The following DLGAP2 variants were observed in gnomAD, a reference collection of about 807,000 sequenced individuals.
DLGAP2 encodes the protein disks large-associated protein 2.
DLGAP2 carries 26 observed loss-of-function variants against 100.3 expected under a neutral mutation model. The ratio of observed to expected loss-of-function variants is 0.26; its 90% CI spans 0.19 to 0.36. DLGAP2 has a LOEUF of 0.36. DLGAP2 is among the 10% of genes least tolerant of loss of function. DLGAP2 has a pLI of 1.00. For synonymous variants in DLGAP2, 886 were observed against 630.1 expected (o/e 1.41, Z -6.08); for missense variants, 1,858 against 1,453.2 (o/e 1.28, Z -4.53).
intron 6 of DLGAP2, among the ~76,000 whole-genome samples, chr8:1,568,812 C>T (rs546762008): frequency 6.5e-5 from 9 of 138,806 alleles, no homozygotes; most frequent in South Asian, 2.5e-4. Context: ...ATGCCACTGT[C>T]CACTCAGCAG....
intron 2 of DLGAP2, among the ~76,000 whole-genome samples, chr8:1,242,963 T>C (rs1798831047): frequency 2.0e-5 from 3 of 152,050 alleles, no homozygotes; most frequent in Admixed American, 2.0e-4. Flanking sequence ...GGACAGAACT[T>C]TCTCTGATGA....
chr8:865,659 G>A (rs143779457), intron 1 of DLGAP2, among the ~76,000 whole-genome samples: 41 of 152,264 alleles, frequency 2.7e-4, no homozygotes, highest in African/African-American at 9.6e-4. Context: ...AGCTAAATCC[G>A]GTTTTAAGGT....
intron 1 of DLGAP2, among the ~76,000 whole-genome samples, chr8:867,847 C>G (rs1105954): frequency 6.6e-6 from 1 of 151,998 alleles, no homozygotes; most frequent in Non-Finnish European, 1.5e-5. Context: ...ATTATTTAAG[C>G]GGTGTGTTTA....
intron 5 of DLGAP2, among the ~76,000 whole-genome samples, chr8:1,557,631 G>A (rs949970643): frequency 6.6e-6 from 1 of 152,180 alleles, no homozygotes; most frequent in African/African-American, 2.4e-5. Context: ...CCCGGGGGGC[G>A]TGTAAAGGCA....
At chr8:999,700 C>T (rs1014509145) in intron 2 of DLGAP2, among the ~76,000 whole-genome samples, 1 of 152,120 alleles carries the variant, frequency 6.6e-6, no homozygotes, top group East Asian at 1.9e-4. Flanking sequence ...AGGATGGTCT[C>T]AATCTCTTGA....
chr8:1,505,948 G>A (rs1481300609), intron 4 of DLGAP2, among the ~76,000 whole-genome samples: 1 of 152,120 alleles, frequency 6.6e-6, no homozygotes, highest in Non-Finnish European at 1.5e-5. Context: ...TAAAAAGTTG[G>A]CAGATTAAAT....
At chr8:1,031,844 A>G (rs1312014960) in intron 2 of DLGAP2, among the ~76,000 whole-genome samples, 2 of 152,230 alleles carry the variant, frequency 1.3e-5, no homozygotes, top group Non-Finnish European at 2.9e-5. Flanking sequence ...TTAAGCAGAA[A>G]TGCTGTTTAT....
At chr8:744,445 G>A (rs1223532801) in intron 1 of DLGAP2, among the ~76,000 whole-genome samples, 1 of 152,176 alleles carries the variant, frequency 6.6e-6, no homozygotes, top group Non-Finnish European at 1.5e-5. Context: ...GCCTCCTCGA[G>A]GTACAGATTC....
intron 2 of DLGAP2, among the ~76,000 whole-genome samples, chr8:1,012,896 G>A (rs1338193701): frequency 6.6e-6 from 1 of 152,088 alleles, no homozygotes; most frequent in Non-Finnish European, 1.5e-5. Context: ...ATGAGTATGT[G>A]TCGTGTGCCT....
chr8:1,413,237 T>G (rs1458115601), intron 3 of DLGAP2, among the ~76,000 whole-genome samples: 2 of 152,222 alleles, frequency 1.3e-5, no homozygotes, highest in Non-Finnish European at 2.9e-5. Context: ...ATTAGCTATT[T>G]ATTTATAGTA....
chr8:1,527,647 A>C (rs570456095), intron 4 of DLGAP2, among the ~76,000 whole-genome samples: 3 of 152,338 alleles, frequency 2.0e-5, no homozygotes, highest in African/African-American at 7.2e-5. Context: ...TAACCTATCT[A>C]TGTGGGAACG....
chr8:1,501,803 G>A (rs768731326), intron 4 of DLGAP2, among the ~76,000 whole-genome samples: 4 of 152,176 alleles, frequency 2.6e-5, no homozygotes, highest in Non-Finnish European at 4.4e-5. Flanking sequence ...TCCTTGGCAG[G>A]AAGCAGCTCA....
At chr8:1,362,220 C>G (rs1343852794) in intron 3 of DLGAP2, among the ~76,000 whole-genome samples, 1 of 152,062 alleles carries the variant, frequency 6.6e-6, no homozygotes, top group Non-Finnish European at 1.5e-5. Flanking sequence ...TCCTCGGGAA[C>G]TGTGGGTGGG....
intron 3 of DLGAP2, among the ~76,000 whole-genome samples, chr8:1,281,388 A>G (rs1316312467): frequency 6.6e-6 from 1 of 152,064 alleles, no homozygotes; most frequent in Non-Finnish European, 1.5e-5. Context: ...TTTGATTCCT[A>G]GTCCCTTAGG....
intron 3 of DLGAP2, among the ~76,000 whole-genome samples, chr8:1,371,644 T>C (rs912002732): frequency 3.9e-5 from 6 of 152,254 alleles, no homozygotes; most frequent in Non-Finnish European, 8.8e-5. Context: ...GTAATGAAAC[T>C]GGATGTTGAA....
chr8:1,029,593 T>C (rs144885912), intron 2 of DLGAP2, among the ~76,000 whole-genome samples: 1 of 131,344 alleles, frequency 7.6e-6, no homozygotes, highest in Admixed American at 8.2e-5. Flanking sequence ...GGGCGTCCAG[T>C]GGTGCCAACA....
At chr8:811,549 T>G (rs1411442439) in intron 1 of DLGAP2, among the ~76,000 whole-genome samples, 1 of 146,736 alleles carries the variant, frequency 6.8e-6, no homozygotes, top group Admixed American at 6.7e-5. Context: ...ATCCTTGGAA[T>G]GAGCAGGAAC....
chr8:936,366 A>G (rs959786779), intron 2 of DLGAP2, among the ~76,000 whole-genome samples: 1 of 152,112 alleles, frequency 6.6e-6, no homozygotes, highest in Non-Finnish European at 1.5e-5. Context: ...CTCGGGAAGG[A>G]TGTTTGCTGT....
intron 8 of DLGAP2, among the ~76,000 whole-genome samples, chr8:1,654,988 A>T (rs1047233737): frequency 6.6e-6 from 1 of 152,226 alleles, no homozygotes; most frequent in African/African-American, 2.4e-5. Context: ...TTTTCAATGG[A>T]AACAGGAAGT....
Sources: allele counts gnomAD v4.1 joint callset (sites outside exome capture counted in the v4.1 genomes callset), GRCh38; gene constraint gnomAD v4.1.1; transcripts MANE v1.5; gene names NCBI Gene and HGNC (gene_info 2026-07-23, HGNC 2026-07-21).